GNAQ: variants seen among roughly 807,000 people sequenced by gnomAD.
GNAQ encodes G protein subunit alpha q.
Under a neutral mutation model 43.9 loss-of-function variants are expected in GNAQ, and 8 were observed. The ratio of observed to expected loss-of-function variants is 0.18; its 90% CI spans 0.11 to 0.33. GNAQ has a LOEUF of 0.33. GNAQ is among the 10% of genes least tolerant of loss of function. The pLI, the probability that GNAQ is intolerant of heterozygous loss-of-function variation, is 1.00. For synonymous variants in GNAQ, 155 were observed against 170.7 expected, an observed-to-expected ratio of 0.91 and a Z score of 0.71; for missense variants, 158 against 450.8, an observed-to-expected ratio of 0.35 and a Z score of 5.88.
chr9:77,877,488 T>C (rs1485587248), intron 2 of GNAQ, among the ~76,000 whole-genome samples: 2 of 152,196 alleles, frequency 1.3e-5, no homozygotes. Flanking sequence ...ACATAGATTC[T>C]GCACATTTAT....
chr9:77,828,849 T>C (rs187560657), intron 2 of GNAQ, among the ~76,000 whole-genome samples: 91 of 152,326 alleles, frequency 6.0e-4, no homozygotes, highest in African/African-American at 2.1e-3. Flanking sequence ...GGTTGACTTC[T>C]ATAACTGGAA....
intron 1 of GNAQ, among the ~76,000 whole-genome samples, chr9:78,022,037 G>A (rs1160997612): frequency 3.3e-5 from 5 of 152,228 alleles, no homozygotes; most frequent in South Asian, 2.1e-4. Context: ...CATGCCAGGC[G>A]GCACCAGGGG....
chr9:78,021,045 C>CA (rs745415881), intron 1 of GNAQ, among the ~76,000 whole-genome samples: 1 of 112,208 alleles, frequency 8.9e-6, no homozygotes, highest in Non-Finnish European at 1.8e-5. Flanking sequence ...CAGGAAGCTG[C>CA]TTTTTTTTTT....
intron 1 of GNAQ, among the ~76,000 whole-genome samples, chr9:77,980,777 T>G (rs1823358247): frequency 1.3e-5 from 2 of 152,208 alleles, no homozygotes; most frequent in Non-Finnish European, 2.9e-5. Flanking sequence ...ATTCTAGAAT[T>G]CTGGAAGATG....
chr9:77,955,987 A>C (rs991174043), intron 1 of GNAQ, among the ~76,000 whole-genome samples: 9 of 152,222 alleles, frequency 5.9e-5, no homozygotes, highest in Non-Finnish European at 1.2e-4. Flanking sequence ...GGGTCTATGA[A>C]TAGGGCACAT....
chr9:77,735,220 TAAC>T (rs1260318244), intron 5 of GNAQ, among the ~76,000 whole-genome samples: 1 of 152,238 alleles, frequency 6.6e-6, no homozygotes, highest in African/African-American at 2.4e-5. Flanking sequence ...TTAATTGCTA[TAAC>T]AGCTTCACTA....
At chr9:77,920,564 T>C (rs1217215514) in intron 2 of GNAQ, among the ~76,000 whole-genome samples, 1 of 152,154 alleles carries the variant, frequency 6.6e-6, no homozygotes. Flanking sequence ...GCTAACGATT[T>C]CAGAAACCAC....
rs527829018 is a variant in GNAQ at position 77,821,114 on chromosome 9, T to G, written c.322-5344A>C. On this transcript the variant is annotated intron_variant, in intron 2 of 6. Coordinates refer to ENST00000286548, the MANE Select transcript of GNAQ (RefSeq NM_002072.5). ...AAGTTTATTAAACTGCCACATATCC[T>G]TTCATTAAGACTTCACAAACTGATT... is the stretch of plus-strand genomic sequence containing the variant. 3.9e-5 allele frequency among the ~76,000 whole-genome samples: 6 copies of G among 152,336 alleles called. No homozygotes were observed. The East Asian group carries it at 1.2e-3, about 29-fold the overall frequency.
Position 78,031,588 on chromosome 9 carries a change from A to AGCC in GNAQ, c.-356_-354dup, listed in dbSNP as rs573121588. 1.5e-3 allele frequency: 219 copies of AGCC among 148,952 alleles called. 3 individuals carry two copies. In the South Asian group the frequency reaches 0.017, roughly 11 times the overall value. 9.2% of individuals were successfully genotyped at this position (148,952 alleles called of 1,614,324 possible). On this transcript the variant is annotated 5_prime_UTR_variant, in exon 1 of 7. Coordinates refer to ENST00000286548, the MANE Select transcript of GNAQ (RefSeq NM_002072.5). ...AACAGGCGGCCCGCCTCGCCCCCCG[A>AGCC]GCCGCCGCCGCCGCCGCCGCCTGCG... is the stretch of plus-strand genomic sequence containing the variant.
intron 1 of GNAQ, among the ~76,000 whole-genome samples, chr9:77,942,244 G>A (rs1029407601): frequency 1.3e-5 from 2 of 152,068 alleles, no homozygotes; most frequent in African/African-American, 4.8e-5. Context: ...GGTAGTTTGG[G>A]GCTGTACTTG....
At chr9:77,787,168 T>C (rs1283318604) in intron 5 of GNAQ, among the ~76,000 whole-genome samples, 1 of 152,220 alleles carries the variant, frequency 6.6e-6, no homozygotes, top group African/African-American at 2.4e-5. Context: ...ATTCTCTTTG[T>C]ATAAAAGTTA....
chr9:77,886,785 G>A (rs2118090066), intron 2 of GNAQ, among the ~76,000 whole-genome samples: 1 of 152,166 alleles, frequency 6.6e-6, no homozygotes, highest in Admixed American at 6.6e-5. Context: ...ATCTGGCTAT[G>A]GATACAGCTT....
chr9:78,026,144 C>T (rs1823977024), intron 1 of GNAQ, among the ~76,000 whole-genome samples: 1 of 152,150 alleles, frequency 6.6e-6, no homozygotes, highest in African/African-American at 2.4e-5. Flanking sequence ...GTTCTCCTTT[C>T]TAAACTTACT....
chr9:77,765,175 G>A (rs1826115395), intron 5 of GNAQ, among the ~76,000 whole-genome samples: 1 of 151,786 alleles, frequency 6.6e-6, no homozygotes, highest in African/African-American at 2.4e-5. Context: ...AAAAAAATCA[G>A]AACTGAAAGG....
chr9:77,832,701 C>A (rs189184431), intron 2 of GNAQ, among the ~76,000 whole-genome samples: 2 of 152,248 alleles, frequency 1.3e-5, no homozygotes, highest in East Asian at 3.9e-4. Flanking sequence ...CTTCTGGGAG[C>A]AATTCACATG....
intron 1 of GNAQ, among the ~76,000 whole-genome samples, chr9:77,995,029 A>G (rs1384761938): frequency 6.6e-6 from 1 of 152,240 alleles, no homozygotes; most frequent in African/African-American, 2.4e-5. Flanking sequence ...TCACTGATAT[A>G]TGGGCTATGT....
chr9:77,943,128 T>C (rs561064618), intron 1 of GNAQ, among the ~76,000 whole-genome samples: 78 of 152,332 alleles, frequency 5.1e-4, no homozygotes, highest in African/African-American at 1.7e-3. Context: ...AAGGCAGATG[T>C]TGGGCATTGC....
intron 1 of GNAQ, among the ~76,000 whole-genome samples, chr9:77,962,745 A>G (rs1269855540): frequency 6.6e-6 from 1 of 151,982 alleles, no homozygotes; most frequent in African/African-American, 2.4e-5. Context: ...ACAAAAAGTT[A>G]GCCGGGTATG....
At chr9:77,895,448 T>C (rs932744794) in intron 2 of GNAQ, among the ~76,000 whole-genome samples, 1 of 152,148 alleles carries the variant, frequency 6.6e-6, no homozygotes, top group Non-Finnish European at 1.5e-5. Flanking sequence ...TTAGGCACTG[T>C]ACTATCCTGC....
Sources: allele counts gnomAD v4.1 joint callset (sites outside exome capture counted in the v4.1 genomes callset), GRCh38; gene constraint gnomAD v4.1.1; transcripts MANE v1.5; gene names NCBI Gene and HGNC (gene_info 2026-07-23, HGNC 2026-07-21).